SLC23A2: variants seen among roughly 807,000 people sequenced by gnomAD.
The protein encoded by SLC23A2 is Na(+)/L-ascorbic acid transporter 2.
Under a neutral mutation model 73.3 loss-of-function variants are expected in SLC23A2, and 36 were observed. The observed-to-expected ratio is 0.49, with a 90% CI of 0.38 to 0.65. SLC23A2 has a LOEUF of 0.65. SLC23A2 is among the 30% of genes least tolerant of loss of function. The probability of loss-of-function intolerance (pLI) is 0.00; values close to 1 mark genes in which losing one functional copy is unlikely to be tolerated. For synonymous variants in SLC23A2, 343 were observed against 327.3 expected (o/e 1.05, Z -0.52); for missense variants, 507 against 841.6 (o/e 0.60, Z 4.92).
chr20:4,941,720 G>C (rs2087045044), intron 2 of SLC23A2, among the ~76,000 whole-genome samples: 1 of 150,462 alleles, frequency 6.6e-6, no homozygotes, highest in South Asian at 2.1e-4. Flanking sequence ...AAAAAAAAAA[G>C]TTGTTAATAA....
At position 4,912,017 on chromosome 20, in the gene SLC23A2, T is replaced by C. The variant is rs1005606999; in HGVS notation, c.207+863A>G. 2.5e-3 allele frequency among the ~76,000 whole-genome samples: 382 copies of C among 151,146 alleles called. 2 individuals are homozygous for C. The highest frequency in any genetic ancestry group is 8.5e-3 in the African/African-American group (352 of 41,192). ...ACACCTGGATAATTATTTCTTTTTT[T>C]TTTTTTTTGTAGAGACAGGATCTTG... On this transcript the variant is annotated intron_variant, in intron 4 of 16. Transcript: ENST00000338244.
intron 7 of SLC23A2, 103 bp from the exon 8 acceptor site, chr20:4,884,926 C>T: frequency 1.5e-6 from 1 of 651,932 alleles, no homozygotes. Flanking sequence ...TTTATTACAT[C>T]TGTTTCAATC....
rs1279668427 is a variant in SLC23A2 at position 4,862,195 on chromosome 20, A to G, written c.1487-110T>C. ...CCCCTTCTCTGTCCAACAGAAACCA[A>G]TGAGACCAGTGCAGGGACAGGAAGG... On this transcript the variant is annotated intron_variant, in intron 14 of 16. Transcript: ENST00000338244. The surrounding 1 kb of genome is among the most constrained non-coding windows in gnomAD (Gnocchi z 5.1). 9.3e-7 allele frequency: 1 copy of G among 1,080,816 alleles called. No homozygotes were observed. Among genetic ancestry groups the G allele is most frequent in the Non-Finnish European group, 1.4e-6 (1 of 733,586 alleles). 67.0% of individuals were successfully genotyped at this position (1,080,816 alleles called of 1,614,324 possible).
chr20:4,869,303 C>G (rs1377275460), intron 12 of SLC23A2, among the ~76,000 whole-genome samples: 1 of 148,830 alleles, frequency 6.7e-6, no homozygotes, highest in Non-Finnish European at 1.5e-5. Context: ...CGGTGAGACC[C>G]TGGGTCTTTT....
chr20:4,981,185 G>A (rs1378150307), intron 1 of SLC23A2, among the ~76,000 whole-genome samples: 1 of 152,118 alleles, frequency 6.6e-6, no homozygotes, highest in African/African-American at 2.4e-5. Context: ...GCATAGACCA[G>A]GGACAACCCT....
intron 1 of SLC23A2, among the ~76,000 whole-genome samples, chr20:5,009,267 A>C (rs894903961): frequency 1.3e-5 from 2 of 151,946 alleles, no homozygotes; most frequent in Non-Finnish European, 2.9e-5. Context: ...GGTGTTGGGG[A>C]TAAGGAGAGT....
intron 1 of SLC23A2, among the ~76,000 whole-genome samples, chr20:4,997,511 C>T (rs1195578785): frequency 6.6e-6 from 1 of 151,960 alleles, no homozygotes; most frequent in Non-Finnish European, 1.5e-5. Context: ...CCACCACCAC[C>T]GAAAGAATTC....
chr20:4,994,987 G>A (rs1400345116), intron 1 of SLC23A2, among the ~76,000 whole-genome samples: 1 of 152,042 alleles, frequency 6.6e-6, no homozygotes, highest in African/African-American at 2.4e-5. Flanking sequence ...CCTTCATGAA[G>A]ACTGAGGACA....
chr20:4,950,986 T>C (rs2087193332), intron 2 of SLC23A2, among the ~76,000 whole-genome samples: 1 of 152,044 alleles, frequency 6.6e-6, no homozygotes. Context: ...AGCCAGGTGC[T>C]TCAACTGCTC....
chr20:4,859,911 G>A lies in SLC23A2; in HGVS notation c.1625-527C>T, dbSNP rs149796144. On this transcript the variant is annotated intron_variant, in intron 15 of 16. Transcript: ENST00000338244. The stretch of plus-strand genomic sequence containing the variant: ...TATGACATATTAAATGTAAAAAACA[G>A]CAAGAATCTCATTTATCCACACACT... 1.8e-3 allele frequency among the ~76,000 whole-genome samples: 273 copies of A among 152,292 alleles called. 1 individual carries two copies. Among genetic ancestry groups the A allele is most frequent in the Admixed American group, 0.015 (236 of 15,294 alleles).
At chr20:4,944,626 G>GA (rs1207438530) in intron 2 of SLC23A2, among the ~76,000 whole-genome samples, 1 of 152,176 alleles carries the variant, frequency 6.6e-6, no homozygotes, top group Non-Finnish European at 1.5e-5. Flanking sequence ...TCTTGGCTGG[G>GA]AAAAAGCTAT....
At chr20:4,974,383 G>A (rs2087611356) in intron 1 of SLC23A2, among the ~76,000 whole-genome samples, 1 of 152,088 alleles carries the variant, frequency 6.6e-6, no homozygotes, top group African/African-American at 2.4e-5. Flanking sequence ...CAGGAGAATC[G>A]CTTGAACCCA....
rs1467121129 is a variant in SLC23A2, at chr20:4,854,176, G to A, written c.*2796C>T. 1 of 152,158 alleles carries A rather than the reference G, an allele frequency of 6.6e-6. No individual in the cohort carries two copies. The highest frequency in any genetic ancestry group is 1.9e-4 in the East Asian group (1 of 5,194). 9.4% of individuals were successfully genotyped at this position (152,158 alleles called of 1,614,324 possible). ...TACAACACTCTACAGGCAAAACAAAGTACGGGGTGGTGGTTCAAAGCCCCA... is the reference window on the plus strand; with the variant it reads ...TACAACACTCTACAGGCAAAACAAAATACGGGGTGGTGGTTCAAAGCCCCA... On this transcript the variant is annotated 3_prime_UTR_variant, in exon 17 of 17. Coordinates refer to ENST00000338244, the MANE Select transcript of SLC23A2 (RefSeq NM_005116.6).
At chr20:4,929,955 T>C (rs190883798) in intron 3 of SLC23A2, among the ~76,000 whole-genome samples, 1 of 152,194 alleles carries the variant, frequency 6.6e-6, no homozygotes, top group Non-Finnish European at 1.5e-5. Flanking sequence ...AAGACTAAGA[T>C]GGTGACCATC....
At chr20:4,941,737 T>TC (rs1367104145) in intron 2 of SLC23A2, among the ~76,000 whole-genome samples, 2 of 150,578 alleles carry the variant, frequency 1.3e-5, no homozygotes, top group Admixed American at 1.3e-4. Context: ...ATAAGGTAGA[T>TC]CTCGTGTTAA....
intron 3 of SLC23A2, among the ~76,000 whole-genome samples, chr20:4,917,983 A>T (rs1932385167): frequency 6.6e-6 from 1 of 152,242 alleles, no homozygotes; most frequent in Non-Finnish European, 1.5e-5. Flanking sequence ...GCCTATTTTT[A>T]ATGCAAAATT....
At chr20:5,006,085 A>G (rs1420015711), upstream of SLC23A2, among the ~76,000 whole-genome samples, 2 of 152,014 alleles carry the variant, frequency 1.3e-5, no homozygotes, top group East Asian at 1.9e-4. Flanking sequence ...TGAGCATAAT[A>G]TATTTTTTTG....
chr20:4,895,171 C>T (rs6052959), intron 6 of SLC23A2, among the ~76,000 whole-genome samples: 4 of 152,336 alleles, frequency 2.6e-5, no homozygotes, highest in African/African-American at 7.2e-5. Context: ...AAGCTGGACA[C>T]GAAAAACTTT....
intron 2 of SLC23A2, among the ~76,000 whole-genome samples, chr20:4,940,355 A>G (rs2087021431): frequency 6.6e-6 from 1 of 152,122 alleles, no homozygotes; most frequent in South Asian, 2.1e-4. Flanking sequence ...AGCCACAAAT[A>G]TTTGAGAAAT....
Sources: gnomAD v4.1 joint callset for allele counts (sites outside exome capture counted in the v4.1 genomes callset) on GRCh38, gnomAD v4.1.1 for gene constraint, Gnocchi (gnomAD v3.1) non-coding constraint, MANE v1.5 for transcripts, NCBI Gene and HGNC (gene_info 2026-07-23, HGNC 2026-07-21) for gene names.